ENPP2: variants seen among roughly 807,000 people sequenced by gnomAD.
ENPP2 encodes ectonucleotide pyrophosphatase/phosphodiesterase 2.
Under a neutral mutation model 120.2 loss-of-function variants are expected in ENPP2, and 51 were observed. The observed-to-expected ratio is 0.42, with a 90% CI of 0.34 to 0.54. ENPP2 has a LOEUF of 0.54. Ranked by LOEUF, ENPP2 falls within the 20% of genes least tolerant of loss-of-function variation. ENPP2 has a pLI of 0.04. For missense variants in ENPP2, 920 were observed against 1,066.5 expected, an observed-to-expected ratio of 0.86 and a Z score of 1.91; for synonymous variants, 365 against 366.4, an observed-to-expected ratio of 1.00 and a Z score of 0.04.
chr8:119,656,915 TTTTTA>T (rs1290255654), intron 1 of ENPP2, among the ~76,000 whole-genome samples: 1 of 152,066 alleles, frequency 6.6e-6, no homozygotes, highest in African/African-American at 2.4e-5. Flanking sequence ...ATAATATCGT[TTTTTA>T]TTTTATTTTA....
chr8:119,576,984 T>C (rs951713500), intron 19 of ENPP2, among the ~76,000 whole-genome samples: 2 of 152,198 alleles, frequency 1.3e-5, no homozygotes, highest in Non-Finnish European at 2.9e-5. Context: ...CCAAGATTGG[T>C]TTAACATACC....
intron 5 of ENPP2, among the ~76,000 whole-genome samples, chr8:119,617,978 G>A (rs746195425): frequency 6.6e-5 from 10 of 152,072 alleles, no homozygotes; most frequent in Admixed American, 4.6e-4. Flanking sequence ...TAAAATAACC[G>A]AACATATTCA....
chr8:119,605,922 T>C (rs931384879), intron 9 of ENPP2, among the ~76,000 whole-genome samples: 2 of 152,172 alleles, frequency 1.3e-5, no homozygotes, highest in African/African-American at 4.8e-5. Flanking sequence ...TGAACATGAA[T>C]TGGCACAAAA....
At chr8:119,618,550 CT>C (rs57251299) in intron 5 of ENPP2, 52,507 of 269,424 alleles carry the variant, frequency 0.19, 785 homozygotes, top group South Asian at 0.31. Flanking sequence ...CCTTGGATGC[CT>C]TTTTTTTTTT....
intron 8 of ENPP2, 102 bp from the exon 9 acceptor site, chr8:119,608,079 A>T (rs1470038758): frequency 3.1e-5 from 19 of 613,406 alleles, no homozygotes; most frequent in Non-Finnish European, 5.0e-5. Context: ...TACTCTACTC[A>T]CACCCCAACA....
chr8:119,617,179 TAA>T lies in ENPP2; in HGVS notation c.640_641del (p.Leu214IlefsTer21). 1 of 1,611,348 alleles carries T rather than the reference TAA, an allele frequency of 6.2e-7. No homozygotes were observed. The highest frequency in any genetic ancestry group is 8.5e-7 in the Non-Finnish European group (1 of 1,177,534). On this transcript the variant is annotated frameshift_variant, in exon 7 of 25. Coordinates refer to ENST00000075322, the MANE Select transcript of ENPP2 (RefSeq NM_001040092.3). LOFTEE classifies it high-confidence loss of function. Reference sequence around the variant, plus strand: ...AAATACTTACAGTGGCCAAAGTGTATAAGTTAGGAAAGGTTTTAGTTGGGTAC... The same window carrying T: ...AAATACTTACAGTGGCCAAAGTGTATGTTAGGAAAGGTTTTAGTTGGGTAC... ...PVYPTKTFPN[L>X]YTLATGLYPE...
intron 23 of ENPP2, among the ~76,000 whole-genome samples, chr8:119,564,230 G>C (rs1193629495): frequency 6.6e-6 from 1 of 151,964 alleles, no homozygotes; most frequent in Non-Finnish European, 1.5e-5. Flanking sequence ...AGATAAGTGG[G>C]AATGGTCATC....
chr8:119,588,227 G>A (rs938204491), intron 13 of ENPP2, among the ~76,000 whole-genome samples: 1 of 152,046 alleles, frequency 6.6e-6, no homozygotes, highest in African/African-American at 2.4e-5. Context: ...CTATGTGCCT[G>A]TCTTTCTATA....
chr8:119,568,329 T>C, intron 21 of ENPP2, 77 bp from the exon 22 acceptor site: 1 of 769,858 alleles, frequency 1.3e-6, no homozygotes, highest in Non-Finnish European at 2.3e-6. Context: ...GAGAGGGGGG[T>C]AGAATTTTCT....
chr8:119,604,993 T>C (rs935690974), intron 9 of ENPP2, among the ~76,000 whole-genome samples: 2 of 152,146 alleles, frequency 1.3e-5, no homozygotes. Flanking sequence ...CAGGATGTTC[T>C]CCATCTCCTG....
chr8:119,571,956 C>T, intron 19 of ENPP2: 2 of 471,052 alleles, frequency 4.2e-6, no homozygotes, highest in Non-Finnish European at 7.6e-6. Context: ...TATTACAACA[C>T]AAGCCTGTTC....
intron 15 of ENPP2, among the ~76,000 whole-genome samples, chr8:119,585,726 G>A (rs1813060451): frequency 1.3e-5 from 2 of 152,116 alleles, no homozygotes; most frequent in South Asian, 4.2e-4. Flanking sequence ...AATATTTAAA[G>A]CAATGTAAAA....
chr8:119,630,113 C>CT (rs796669944), intron 2 of ENPP2, among the ~76,000 whole-genome samples: 2,097 of 145,788 alleles, frequency 0.014, 42 homozygotes, highest in African/African-American at 0.043. Flanking sequence ...CTATTTCTTT[C>CT]TTTTTTTTTT....
chr8:119,635,829 A>G (rs1343353094), intron 2 of ENPP2, among the ~76,000 whole-genome samples: 1 of 152,198 alleles, frequency 6.6e-6, no homozygotes, highest in Non-Finnish European at 1.5e-5. Context: ...GTGTTAGTTA[A>G]TTAATTATGA....
Position 119,617,513 on chromosome 8 carries a change from G to A in ENPP2, c.530C>T (p.Ser177Leu). Residue 177 changes from serine to leucine, a missense_variant, in exon 6 of 25, where the codon TCA becomes TTA. Transcript: ENST00000075322. ...GACTTTGCTGCCTTTCTTCATGTATGATGCACGGAAGCCATCCACGGAGAA... is the reference window on the plus strand; with the variant it reads ...GACTTTGCTGCCTTTCTTCATGTATAATGCACGGAAGCCATCCACGGAGAA... ...IIFSVDGFRASYMKKGSKVMP... is the reference protein window; with the variant it reads ...IIFSVDGFRALYMKKGSKVMP... The A allele has an allele frequency of 6.2e-7, 1 of 1,613,684 alleles. No homozygotes were observed. The highest frequency in any genetic ancestry group is 8.5e-7 in the Non-Finnish European group (1 of 1,179,714).
At chr8:119,575,127 G>A (rs1380463339) in intron 19 of ENPP2, among the ~76,000 whole-genome samples, 1 of 152,138 alleles carries the variant, frequency 6.6e-6, no homozygotes, top group Non-Finnish European at 1.5e-5. Context: ...CATATGACCT[G>A]TCTAATGTTA....
At chr8:119,608,705 C>A (rs1432101646) in intron 8 of ENPP2, among the ~76,000 whole-genome samples, 1 of 151,196 alleles carries the variant, frequency 6.6e-6, no homozygotes, top group Non-Finnish European at 1.5e-5. Context: ...GCCATGTAGT[C>A]CTTTGGCAAG....
chr8:119,672,923 C>G (rs1363687113), intron 1 of ENPP2, among the ~76,000 whole-genome samples: 1 of 152,220 alleles, frequency 6.6e-6, no homozygotes, highest in Non-Finnish European at 1.5e-5. Context: ...CAGTGCCCTG[C>G]GGCTGGTAAG....
intron 2 of ENPP2, among the ~76,000 whole-genome samples, chr8:119,628,860 C>T (rs997460539): frequency 6.6e-6 from 1 of 152,102 alleles, no homozygotes; most frequent in Non-Finnish European, 1.5e-5. Context: ...AAACTTTTTC[C>T]TTCTGTAAGA....
Sources: allele counts gnomAD v4.1 joint callset (sites outside exome capture counted in the v4.1 genomes callset), GRCh38; gene constraint gnomAD v4.1.1; transcripts MANE v1.5; gene names NCBI Gene and HGNC (gene_info 2026-07-23, HGNC 2026-07-21).